Variants in SLC4A5 observed in about 807,000 individuals in gnomAD.
SLC4A5 encodes the protein solute carrier family 4 member 5.
Under a neutral mutation model 120.4 loss-of-function variants are expected in SLC4A5, and 96 were observed. The ratio of observed to expected loss-of-function variants is 0.80; its 90% CI spans 0.68 to 0.94. The LOEUF is 0.94. Among genes scored for constraint, SLC4A5 ranks in the 40% least tolerant of loss-of-function variants. The pLI is 0.00. For missense variants in SLC4A5, 1,259 were observed against 1,459.5 expected, an observed-to-expected ratio of 0.86 and a Z score of 2.24; for synonymous variants, 550 against 571.1, an observed-to-expected ratio of 0.96 and a Z score of 0.53.
intron 17 of SLC4A5, among the ~76,000 whole-genome samples, chr2:74,249,035 T>C (rs535057962): frequency 5.3e-5 from 8 of 152,338 alleles, no homozygotes; most frequent in South Asian, 4.1e-4. Flanking sequence ...GGCTAGATGA[T>C]TCTTTGCTGT....
chr2:74,228,286 T>C (rs190699037), intron 25 of SLC4A5, among the ~76,000 whole-genome samples: 5 of 152,310 alleles, frequency 3.3e-5, no homozygotes, highest in Admixed American at 1.3e-4. Context: ...TGGGGACTTT[T>C]AATGAGCTGA....
chr2:74,267,986 A>AT lies in SLC4A5; in HGVS notation c.402-2723dup, dbSNP rs749084577. Among the ~76,000 whole-genome samples, 512 of 144,764 alleles carry AT rather than the reference A, an allele frequency of 3.5e-3. 2 individuals are homozygous for AT. The highest frequency in any genetic ancestry group is 0.011 in the Middle Eastern group (3 of 270). The allele number at this position is 144,764 out of a possible 152,430, so 95.0% of individuals were successfully genotyped here. A position where few individuals can be genotyped will look rare whatever the true frequency, so the allele number is the denominator to read the frequency against. ...GGTAACAGAGTGAGAGTCCGTCTAC[A>AT]TTTTTTTTTTTTTTAAAAAAGAGCA... is the stretch of plus-strand genomic sequence containing the variant. On this transcript the variant is annotated intron_variant, in intron 8 of 30. Coordinates refer to ENST00000394019, the Ensembl canonical transcript of SLC4A5.
intron 8 of SLC4A5, among the ~76,000 whole-genome samples, chr2:74,277,422 G>C (rs972249738): frequency 1.2e-4 from 19 of 152,156 alleles, no homozygotes; most frequent in African/African-American, 4.6e-4. Context: ...GGTGGTGGGC[G>C]CCTGTAATCC....
chr2:74,257,530 G>C (rs568149646), intron 12 of SLC4A5, among the ~76,000 whole-genome samples: 1 of 152,198 alleles, frequency 6.6e-6, no homozygotes, highest in East Asian at 1.9e-4. Flanking sequence ...AAGAGGCTTC[G>C]GAAGCAGCAA....
At chr2:74,304,659 C>A in exon 7 of SLC4A5, 1 of 1,613,762 alleles carries the variant, frequency 6.2e-7, no homozygotes, top group South Asian at 1.1e-5. Flanking sequence ...TACTGGAAGC[C>A]CAATGTGGAT....
intron 15 of SLC4A5, 107 bp from the exon 16 acceptor site, chr2:74,252,495 G>A (rs573920942): frequency 2.0e-5 from 27 of 1,384,178 alleles, no homozygotes; most frequent in Non-Finnish European, 2.4e-5. Context: ...GCAGAAAATT[G>A]TCTAACAATA....
At chr2:74,322,410 A>G (rs1673119484) in intron 5 of SLC4A5, among the ~76,000 whole-genome samples, 1 of 152,164 alleles carries the variant, frequency 6.6e-6, no homozygotes, top group African/African-American at 2.4e-5. Context: ...AACAAACAAA[A>G]CACTACCAAT....
At chr2:74,238,483 A>T (rs890691116) in intron 21 of SLC4A5, among the ~76,000 whole-genome samples, 1 of 152,186 alleles carries the variant, frequency 6.6e-6, no homozygotes, top group Non-Finnish European at 1.5e-5. Flanking sequence ...AAGACTTATA[A>T]GCTACAGAAA....
At chr2:74,290,615 A>AAGT (rs1207738070) in intron 7 of SLC4A5, 2 of 965,224 alleles carry the variant, frequency 2.1e-6, no homozygotes, top group African/African-American at 4.2e-5. Context: ...AGAGAGAGAC[A>AAGT]GAGAAGTGAG....
chr2:74,222,719 A>G, intron 29 of SLC4A5, 149 bp downstream of exon 29: 1 of 700,096 alleles, frequency 1.4e-6, no homozygotes, highest in African/African-American at 1.8e-5. Context: ...TATCTTGCAC[A>G]AAACTTGTCC....
intron 17 of SLC4A5, 71 bp downstream of exon 17, chr2:74,250,272 A>G (rs1670747951): frequency 1.3e-6 from 2 of 1,539,080 alleles, no homozygotes; most frequent in African/African-American, 2.8e-5. Context: ...GGATTACAGG[A>G]TGAAGCTTCC....
At chr2:74,278,261 G>A (rs773285082) in intron 8 of SLC4A5, among the ~76,000 whole-genome samples, 5 of 152,126 alleles carry the variant, frequency 3.3e-5, no homozygotes, top group South Asian at 2.1e-4. Flanking sequence ...CCCTATCTGG[G>A]AAGAGCTTCC....
At position 74,227,724 on chromosome 2, in the gene SLC4A5, C is replaced by A. The variant is rs1326297886; in HGVS notation, c.2916+86G>T. The A allele has an allele frequency of 5.4e-6, 7 of 1,307,220 alleles. No individual in the cohort carries two copies. In the Admixed American group the frequency reaches 1.2e-4, roughly 22 times the overall value. 81.0% of individuals were successfully genotyped at this position (1,307,220 alleles called of 1,614,324 possible). A position where few individuals can be genotyped will look rare whatever the true frequency, so the allele number is the denominator to read the frequency against. On this transcript the variant is annotated intron_variant, in intron 26 of 30. Transcript: ENST00000394019. ...TTAGGACAATTGGGGACAATTGGGA[C>A]AACTGAATTGGGGGTCTTGGTGACA... is the stretch of plus-strand genomic sequence containing the variant.
intron 8 of SLC4A5, among the ~76,000 whole-genome samples, chr2:74,281,373 C>G (rs1671808734): frequency 6.6e-6 from 1 of 152,184 alleles, no homozygotes; most frequent in Admixed American, 6.5e-5. Flanking sequence ...TCCTTCCCAG[C>G]CCCTCCACTT....
intron 22 of SLC4A5, among the ~76,000 whole-genome samples, chr2:74,234,532 A>T (rs1670208462): frequency 6.6e-6 from 1 of 152,208 alleles, no homozygotes; most frequent in Non-Finnish European, 1.5e-5. Context: ...ATATGTCACC[A>T]GTTCTAACTA....
chr2:74,237,121 C>A (rs1290071561), intron 21 of SLC4A5, among the ~76,000 whole-genome samples: 1 of 151,992 alleles, frequency 6.6e-6, no homozygotes, highest in African/African-American at 2.4e-5. Context: ...GGACTACAGG[C>A]GCCCACCACA....
chr2:74,227,437 G>A (rs1694884785), intron 26 of SLC4A5: 7 of 1,539,100 alleles, frequency 4.5e-6, no homozygotes, highest in Non-Finnish European at 6.2e-6. Context: ...GGATTTCACA[G>A]TAAATACAGA....
At position 74,242,070 on chromosome 2, in the gene SLC4A5, A is replaced by G. The variant is rs201068762; in HGVS notation, c.2060-18T>C. The G allele has an allele frequency of 1.2e-4, 185 of 1,600,364 alleles. No individual in the cohort carries two copies. The East Asian group carries it at 4.0e-3, about 34-fold the overall frequency. The stretch of plus-strand genomic sequence containing the variant: ...TGTATTCACTGTGGATGAGCACATG[A>G]CACGGGGCAGGGTCAGCAGCTGTGG... On this transcript the variant is annotated intron_variant, in intron 19 of 30. Coordinates refer to ENST00000394019, the Ensembl canonical transcript of SLC4A5.
At chr2:74,249,440 C>A (rs1178610788) in intron 17 of SLC4A5, among the ~76,000 whole-genome samples, 2 of 152,084 alleles carry the variant, frequency 1.3e-5, no homozygotes, top group East Asian at 3.8e-4. Flanking sequence ...CTTGAAGAAC[C>A]AAAAGATGAT....
Sources: allele counts gnomAD v4.1 joint callset (sites outside exome capture counted in the v4.1 genomes callset), GRCh38; gene constraint gnomAD v4.1.1; transcripts MANE v1.5; gene names NCBI Gene and HGNC (gene_info 2026-07-23, HGNC 2026-07-21).